PSD3: variants seen among roughly 807,000 people sequenced by gnomAD.
PSD3 encodes the protein pleckstrin and Sec7 domain containing 3, also known as PH and SEC7 domain-containing protein 3.
A neutral mutation model predicts 105.5 loss-of-function variants in PSD3; 49 were observed. The observed-to-expected ratio is 0.46, with a 90% CI of 0.37 to 0.59. PSD3 has a LOEUF of 0.59. Among genes scored for constraint, PSD3 ranks in the 20% least tolerant of loss-of-function variants. PSD3 has a pLI of 0.00. For missense variants in PSD3, 1,561 were observed against 1,263.8 expected (o/e 1.24, Z -3.57); for synonymous variants, 557 against 457.8 (o/e 1.22, Z -2.77).
At chr8:18,614,379 T>C in intron 11 of PSD3, among the ~76,000 whole-genome samples, 1 of 137,334 alleles carries the variant, frequency 7.3e-6, no homozygotes, top group Non-Finnish European at 1.6e-5. Flanking sequence ...AACTAGCATG[T>C]AGATGGCATC....
intron 15 of PSD3, 120 bp downstream of exon 15, chr8:18,556,089 A>G (rs925980805): frequency 6.4e-6 from 8 of 1,259,380 alleles, no homozygotes; most frequent in Non-Finnish European, 8.7e-6. Flanking sequence ...GAGCTCCCAA[A>G]TTAGAGCCAG....
At chr8:18,866,483 C>A (rs970655764) in intron 4 of PSD3, among the ~76,000 whole-genome samples, 1 of 152,210 alleles carries the variant, frequency 6.6e-6, no homozygotes, top group African/African-American at 2.4e-5. Context: ...AACCCCATTT[C>A]GCAAATAAAT....
chr8:18,721,414 C>G lies in PSD3; in HGVS notation c.2172+44035G>C, dbSNP rs550413782. Among the ~76,000 whole-genome samples the G allele has an allele frequency of 2.2e-4, 34 of 152,168 alleles. No individual in the cohort carries two copies. The South Asian group carries it at 6.7e-3, about 30-fold the overall frequency. ...AACTAGGACCAAGTGCTTGAGCCAC[C>G]CAAGACCAGGAACTGCTGTATTTAT... On this transcript the variant is annotated intron_variant, in intron 9 of 15. Transcript: ENST00000327040.
At chr8:18,693,637 T>C (rs1801099091) in intron 9 of PSD3, among the ~76,000 whole-genome samples, 1 of 151,980 alleles carries the variant, frequency 6.6e-6, no homozygotes, top group Admixed American at 6.6e-5. Context: ...AGACTCAGAG[T>C]CGGTGACAGA....
Position 18,549,800 on chromosome 8 carries a change from T to G in PSD3, c.2928+6409A>C, listed in dbSNP as rs189579568. Among the ~76,000 whole-genome samples the G allele has an allele frequency of 1.6e-3, 241 of 152,364 alleles. 1 individual carries two copies. Among genetic ancestry groups the G allele is most frequent in the African/African-American group, 5.6e-3 (232 of 41,588 alleles). On this transcript the variant is annotated intron_variant, in intron 15 of 15. Transcript: ENST00000327040. ...CTGACATTCCTGAACTGAAATATTT[T>G]TGTTTTATGTTTAACACTCATAGAA...
At chr8:18,974,722 G>T (rs1824836137) in intron 1 of PSD3, among the ~76,000 whole-genome samples, 1 of 151,842 alleles carries the variant, frequency 6.6e-6, no homozygotes, top group African/African-American at 2.4e-5. Context: ...AGGGGTGGAG[G>T]GTTGAGTGCT....
chr8:18,661,651 C>T (rs1809356845), intron 9 of PSD3, among the ~76,000 whole-genome samples: 4 of 152,124 alleles, frequency 2.6e-5, no homozygotes, highest in Admixed American at 6.5e-5. Flanking sequence ...GAGGTCCTTA[C>T]ACCTTGCGAT....
At chr8:18,963,843 G>A (rs373799943) in intron 1 of PSD3, among the ~76,000 whole-genome samples, 5 of 152,232 alleles carry the variant, frequency 3.3e-5, no homozygotes, top group African/African-American at 9.6e-5. Context: ...GAGGTATAAT[G>A]CTTGCCCAAA....
intron 9 of PSD3, among the ~76,000 whole-genome samples, chr8:18,716,647 A>C (rs1802618173): frequency 6.6e-6 from 1 of 152,198 alleles, no homozygotes; most frequent in Admixed American, 6.5e-5. Context: ...TCCTAAGTGT[A>C]GAAGGATGTT....
intron 1 of PSD3, among the ~76,000 whole-genome samples, chr8:19,058,709 A>T (rs1388282261): frequency 1.3e-5 from 2 of 152,044 alleles, no homozygotes; most frequent in African/African-American, 2.4e-5. Flanking sequence ...AAGTTTGGAG[A>T]TGTTTCTGGA....
At chr8:18,968,451 T>G (rs1454713919) in intron 1 of PSD3, among the ~76,000 whole-genome samples, 2 of 152,240 alleles carry the variant, frequency 1.3e-5, no homozygotes, top group Non-Finnish European at 2.9e-5. Context: ...TCATTTGGAA[T>G]TCCTATTCTG....
chr8:18,595,897 C>T (rs952798720), intron 12 of PSD3, among the ~76,000 whole-genome samples: 1 of 151,930 alleles, frequency 6.6e-6, no homozygotes, highest in Non-Finnish European at 1.5e-5. Flanking sequence ...ATGCAATACA[C>T]CAAATATCCT....
chr8:18,618,042 G>T (rs1305764081), intron 11 of PSD3, among the ~76,000 whole-genome samples: 2 of 152,096 alleles, frequency 1.3e-5, no homozygotes, highest in Non-Finnish European at 2.9e-5. Flanking sequence ...TATTCCCTCT[G>T]AAGTCTATTA....
At chr8:19,022,723 C>T (rs1039730294) in intron 1 of PSD3, among the ~76,000 whole-genome samples, 1 of 152,198 alleles carries the variant, frequency 6.6e-6, no homozygotes, top group East Asian at 1.9e-4. Context: ...GAGTAGCACC[C>T]AGCTCTCTTC....
chr8:19,002,414 T>G (rs948764967), intron 1 of PSD3, among the ~76,000 whole-genome samples: 12 of 151,986 alleles, frequency 7.9e-5, no homozygotes, highest in African/African-American at 2.9e-4. Context: ...TATTTCACCT[T>G]GATGAGGTAT....
At chr8:19,081,537 G>A (rs1256921530) in intron 1 of PSD3, among the ~76,000 whole-genome samples, 3 of 152,186 alleles carry the variant, frequency 2.0e-5, no homozygotes, top group African/African-American at 4.8e-5. Flanking sequence ...GTGAAGTGGG[G>A]TGATAATAAC....
At chr8:18,934,304 T>C (rs377290370) in intron 2 of PSD3, among the ~76,000 whole-genome samples, 2 of 152,252 alleles carry the variant, frequency 1.3e-5, no homozygotes, top group East Asian at 1.9e-4. Flanking sequence ...ATTGCACTTA[T>C]AATATCGGCC....
rs115688908 is a variant in PSD3, at chr8:18,537,369, T to C, written c.2929-1411A>G. 2.7e-3 allele frequency among the ~76,000 whole-genome samples: 408 copies of C among 152,320 alleles called. 1 individual carries two copies. Among genetic ancestry groups the C allele is most frequent in the African/African-American group, 9.2e-3 (381 of 41,576 alleles). On this transcript the variant is annotated intron_variant, in intron 15 of 15. Coordinates refer to ENST00000327040, the MANE Select transcript of PSD3 (RefSeq NM_015310.4). The stretch of plus-strand genomic sequence containing the variant: ...CAAAACCCACGGCTCTTAAGCTATA[T>C]TACCTCCATTGATATGAAAATATAG...
At chr8:18,649,011 CGGCAGGGGT>C (rs1808267738) in intron 10 of PSD3, among the ~76,000 whole-genome samples, 1 of 152,222 alleles carries the variant, frequency 6.6e-6, no homozygotes, top group South Asian at 2.1e-4. Flanking sequence ...CAGACATCTG[CGGCAGGGGT>C]GGAACCCTCT....
Sources: gnomAD v4.1 joint callset for allele counts (sites outside exome capture counted in the v4.1 genomes callset) on GRCh38, gnomAD v4.1.1 for gene constraint, MANE v1.5 for transcripts, NCBI Gene and HGNC (gene_info 2026-07-23, HGNC 2026-07-21) for gene names.